Variants in FSIP1 observed in about 807,000 individuals in gnomAD.
FSIP1 encodes the protein fibrous sheath-interacting protein 1.
Under a neutral mutation model 60.9 loss-of-function variants are expected in FSIP1, and 65 were observed. The ratio of observed to expected loss-of-function variants is 1.07; its 90% CI spans 0.87 to 1.31. The LOEUF is 1.31. Among genes scored for constraint, FSIP1 ranks in the 40% most tolerant of loss-of-function variants. The pLI is 0.00. For missense variants in FSIP1, 675 were observed against 665.5 expected (o/e 1.01, Z -0.16); for synonymous variants, 209 against 221.2 (o/e 0.94, Z 0.49).
intron 10 of FSIP1, among the ~76,000 whole-genome samples, chr15:39,628,339 C>T (rs1053663993): frequency 6.6e-6 from 1 of 152,158 alleles, no homozygotes; most frequent in Admixed American, 6.5e-5. Flanking sequence ...GAATGACAAG[C>T]ATGAGGTATA....
intron 9 of FSIP1, among the ~76,000 whole-genome samples, chr15:39,718,890 A>G (rs1895850999): frequency 6.6e-6 from 1 of 152,206 alleles, no homozygotes; most frequent in South Asian, 2.1e-4. Context: ...GTTGGATTCT[A>G]GCTTCCAATC....
intron 9 of FSIP1, among the ~76,000 whole-genome samples, chr15:39,726,108 A>T (rs1390541935): frequency 6.6e-6 from 1 of 152,160 alleles, no homozygotes; most frequent in Non-Finnish European, 1.5e-5. Flanking sequence ...AGAGTATTTG[A>T]GGGAACTACT....
At chr15:39,758,387 G>A (rs554426928) in intron 5 of FSIP1, among the ~76,000 whole-genome samples, 136 of 151,994 alleles carry the variant, frequency 8.9e-4, no homozygotes, top group Admixed American at 3.7e-3. Flanking sequence ...AAGCAGGTTT[G>A]GTCTTTCAGA....
At chr15:39,766,194 G>T (rs759127792) in intron 3 of FSIP1, among the ~76,000 whole-genome samples, 1 of 152,174 alleles carries the variant, frequency 6.6e-6, no homozygotes, top group African/African-American at 2.4e-5. Context: ...GTAGAAAGCC[G>T]TAAGTCTTCA....
chr15:39,750,924 T>C (rs1566913253), intron 5 of FSIP1, among the ~76,000 whole-genome samples: 1 of 151,838 alleles, frequency 6.6e-6, no homozygotes, highest in Non-Finnish European at 1.5e-5. Context: ...AAAGAACTCA[T>C]ACAACTCAAT....
In FSIP1 at chr15:39,652,992, A is replaced by G. The variant is rs191954367; in HGVS notation, c.1189-34747T>C. ...TGAGTTTGAGATCAGCCTAAGCAACATGGCAAAACTCTGTCTCTACAAAAA... is the reference window on the plus strand; with the variant it reads ...TGAGTTTGAGATCAGCCTAAGCAACGTGGCAAAACTCTGTCTCTACAAAAA... On this transcript the variant is annotated intron_variant, in intron 10 of 11. Coordinates refer to ENST00000350221, the MANE Select transcript of FSIP1 (RefSeq NM_152597.5). Among the ~76,000 whole-genome samples the G allele has an allele frequency of 2.4e-3, 366 of 152,180 alleles. 3 individuals are homozygous for G. Among genetic ancestry groups the G allele is most frequent in the African/African-American group, 8.4e-3 (349 of 41,514 alleles).
intron 5 of FSIP1, among the ~76,000 whole-genome samples, chr15:39,751,438 C>G (rs964274172): frequency 6.6e-5 from 10 of 151,500 alleles, no homozygotes; most frequent in African/African-American, 2.4e-4. Flanking sequence ...CACACACACA[C>G]ACACACACAC....
chr15:39,717,061 C>T (rs1895771662), intron 9 of FSIP1, among the ~76,000 whole-genome samples: 2 of 152,016 alleles, frequency 1.3e-5, no homozygotes, highest in South Asian at 2.1e-4. Flanking sequence ...GATCCACCCA[C>T]CTTGGCCTCC....
At position 39,782,833 on chromosome 15, in the gene FSIP1, A is replaced by C. The variant is rs991887390; in HGVS notation, c.-213T>G. 21 of 152,396 alleles carry C rather than the reference A, an allele frequency of 1.4e-4. No individual in the cohort carries two copies. The highest frequency in any genetic ancestry group is 5.1e-4 in the African/African-American group (21 of 41,450). The allele number at this position is 152,396 out of a possible 1,614,324, so 9.4% of individuals were successfully genotyped here. On this transcript the variant is annotated 5_prime_UTR_variant, in exon 1 of 12. Coordinates refer to ENST00000350221, the MANE Select transcript of FSIP1 (RefSeq NM_152597.5). ...GGACCGCTGTTTCCCTGGCAACCAG[A>C]TGCGCGATGCTTCCGGTCTCGCGAT... is the stretch of plus-strand genomic sequence containing the variant.
At chr15:39,737,983 T>C in intron 8 of FSIP1, 108 bp downstream of exon 8, 3 of 634,762 alleles carry the variant, frequency 4.7e-6, no homozygotes, top group Non-Finnish European at 2.6e-6. Context: ...CAAAGAATAA[T>C]GTCTCAGAAT....
intron 8 of FSIP1, among the ~76,000 whole-genome samples, chr15:39,729,820 A>G (rs145699800): frequency 0.016 from 2,503 of 152,254 alleles, 59 homozygotes; most frequent in African/African-American, 0.055. Context: ...TCTCACTTAT[A>G]AGTGGGAGCT....
At chr15:39,714,307 T>C (rs1233388548) in intron 9 of FSIP1, among the ~76,000 whole-genome samples, 1 of 152,114 alleles carries the variant, frequency 6.6e-6, no homozygotes, top group East Asian at 1.9e-4. Context: ...ATGTTATTTC[T>C]GGGTGATAAA....
chr15:39,726,467 T>C (rs1896198374), intron 9 of FSIP1, 122 bp downstream of exon 9: 2 of 957,474 alleles, frequency 2.1e-6, no homozygotes, highest in Non-Finnish European at 3.3e-6. Context: ...ACCAAAGGAA[T>C]ATACACACTG....
intron 10 of FSIP1, among the ~76,000 whole-genome samples, chr15:39,685,492 G>A (rs1049823832): frequency 6.6e-6 from 1 of 152,112 alleles, no homozygotes; most frequent in Non-Finnish European, 1.5e-5. Flanking sequence ...AAGATGTCTT[G>A]CACTGAGAAA....
At chr15:39,742,374 C>G (rs1383650756) in intron 5 of FSIP1, among the ~76,000 whole-genome samples, 2 of 152,180 alleles carry the variant, frequency 1.3e-5, no homozygotes, top group South Asian at 2.1e-4. Flanking sequence ...TAGCAGTTAA[C>G]TTTCTTCTTT....
intron 10 of FSIP1, among the ~76,000 whole-genome samples, chr15:39,650,448 T>C (rs1384203711): frequency 3.9e-5 from 6 of 152,188 alleles, no homozygotes; most frequent in Non-Finnish European, 8.8e-5. Context: ...CCCAAAATAT[T>C]AAGTCCTCCC....
chr15:39,680,457 T>C (rs990713797), intron 10 of FSIP1, among the ~76,000 whole-genome samples: 10 of 152,232 alleles, frequency 6.6e-5, no homozygotes, highest in African/African-American at 2.2e-4. Flanking sequence ...CCAGCCTTCC[T>C]TGCTGCTGTG....
At chr15:39,761,674 A>G (rs1369536629) in intron 5 of FSIP1, among the ~76,000 whole-genome samples, 1 of 152,208 alleles carries the variant, frequency 6.6e-6, no homozygotes. Flanking sequence ...GAATATCATC[A>G]ATAAGGATGT....
At chr15:39,620,848 C>T (rs1349904284) in intron 10 of FSIP1, among the ~76,000 whole-genome samples, 1 of 150,620 alleles carries the variant, frequency 6.6e-6, no homozygotes. Flanking sequence ...TCAAGTGATC[C>T]ACCCACCTCG....
Sources: allele counts gnomAD v4.1 joint callset (sites outside exome capture counted in the v4.1 genomes callset), GRCh38; gene constraint gnomAD v4.1.1; transcripts MANE v1.5; gene names NCBI Gene and HGNC (gene_info 2026-07-23, HGNC 2026-07-21).